Variants in PCDHGA2 observed in about 807,000 individuals in gnomAD.
PCDHGA2 encodes the protein protocadherin gamma-A2.
Under a neutral mutation model 59.2 loss-of-function variants are expected in PCDHGA2, and 40 were observed. The observed-to-expected ratio is 0.68, with a 90% confidence interval of 0.52 to 0.88. The LOEUF is 0.88. PCDHGA2 is among the 40% of genes least tolerant of loss of function. The pLI, the probability that PCDHGA2 is intolerant of heterozygous loss-of-function variation, is 0.00. For missense variants in PCDHGA2, 1,226 were observed against 1,204.0 expected (o/e 1.02, Z -0.27); for synonymous variants, 560 against 526.0 (o/e 1.06, Z -0.89).
At chr5:141,371,589 A>C (rs754175637) in intron 1 of PCDHGA2, 1 of 1,613,602 alleles carries the variant, frequency 6.2e-7, no homozygotes, top group South Asian at 1.1e-5. Context: ...TCAAGATACC[A>C]AAAACACATA....
chr5:141,376,532 G>A lies in PCDHGA2; in HGVS notation c.2424+35137G>A, dbSNP rs763806361. On this transcript the variant is annotated intron_variant, in intron 1 of 3. Transcript: ENST00000394576. ...GGTGAGTTTCTTTCCGCCTAAGCGGGAAGAGTAATCTGATCTTCCCGCAAC... is the reference window on the plus strand; with the variant it reads ...GGTGAGTTTCTTTCCGCCTAAGCGGAAAGAGTAATCTGATCTTCCCGCAAC... 3.7e-6 allele frequency: 6 copies of A among 1,613,740 alleles called. No individual in the cohort carries two copies. The Admixed American group carries it at 1.0e-4, about 27-fold the overall frequency.
chr5:141,360,069 G>T, intron 1 of PCDHGA2: 1 of 1,469,260 alleles, frequency 6.8e-7, no homozygotes, highest in East Asian at 2.5e-5. Context: ...AGTGACCTTA[G>T]CCCGGATTCT....
chr5:141,424,036 C>A, intron 1 of PCDHGA2: 1 of 1,029,606 alleles, frequency 9.7e-7, no homozygotes, highest in Non-Finnish European at 1.2e-6. Context: ...CTTTTTATTT[C>A]CATTTCAATT....
chr5:141,412,131 G>A (rs2095537626), intron 1 of PCDHGA2: 1 of 152,156 alleles, frequency 6.6e-6, no homozygotes, highest in Non-Finnish European at 1.5e-5. Flanking sequence ...CTGGACTTTG[G>A]CCTCTGATAC....
Position 141,383,965 on chromosome 5 carries a change from A to G in PCDHGA2, c.2424+42570A>G, listed in dbSNP as rs1208203107. ...GACTATGACGTCTTTAAGTAGCTCA[A>G]TCCCTGAAGACACACCTCTTGGGAC... On this transcript the variant is annotated intron_variant, in intron 1 of 3. Coordinates refer to ENST00000394576, the MANE Select transcript of PCDHGA2 (RefSeq NM_018915.4). 1 of 1,613,598 alleles carries G rather than the reference A, an allele frequency of 6.2e-7. No individual in the cohort carries two copies. The highest frequency in any genetic ancestry group is 2.2e-5 in the East Asian group (1 of 44,892).
chr5:141,476,078 C>G lies in PCDHGA2; in HGVS notation c.2425-18729C>G. On this transcript the variant is annotated intron_variant, in intron 1 of 3. Transcript: ENST00000394576. The surrounding 1 kb of genome is among the most constrained non-coding windows in gnomAD (Gnocchi z 7.6). ...AAGTTTCTCAGCGAAATCTCAGGGA[C>G]GATCTGGACCCCGCTGAGAGGAACT... is the stretch of plus-strand genomic sequence containing the variant. 1 of 1,528,034 alleles carries G rather than the reference C, an allele frequency of 6.5e-7. No homozygotes were observed. 94.7% of individuals were successfully genotyped at this position (1,528,034 alleles called of 1,614,324 possible).
At chr5:141,501,926 C>T (rs1388315216) in intron 2 of PCDHGA2, among the ~76,000 whole-genome samples, 1 of 152,126 alleles carries the variant, frequency 6.6e-6, no homozygotes, top group African/African-American at 2.4e-5. Flanking sequence ...AGCTTTGTTC[C>T]CTCAACACCA....
Position 141,419,399 on chromosome 5 carries a change from G to C in PCDHGA2, c.2425-75408G>C, listed in dbSNP as rs893535249. On this transcript the variant is annotated intron_variant, in intron 1 of 3. Coordinates refer to ENST00000394576, the MANE Select transcript of PCDHGA2 (RefSeq NM_018915.4). ...GTCCGTGAGCGCGCAGAGCGGGGTG[G>C]TGTTCGCGCAGCGCGCCTTCGACCA... 1.7e-5 allele frequency: 28 copies of C among 1,613,470 alleles called. No individual in the cohort carries two copies. Among genetic ancestry groups the C allele is most frequent in the Admixed American group, 1.7e-5 (1 of 60,014 alleles).
intron 1 of PCDHGA2, chr5:141,393,145 A>G (rs2092690678): frequency 6.2e-7 from 1 of 1,613,324 alleles, no homozygotes; most frequent in Non-Finnish European, 8.5e-7. Context: ...ACCCTGGTTG[A>G]GGATAAAGGA....
rs747994258 is a variant in PCDHGA2 at position 141,365,910 on chromosome 5, A to G, written c.2424+24515A>G. ...TCCTTCGACTATGAGCAGTTGAGAGACCTACAGTTGTGGGTGACAGCCAGC... is the reference window on the plus strand; with the variant it reads ...TCCTTCGACTATGAGCAGTTGAGAGGCCTACAGTTGTGGGTGACAGCCAGC... On this transcript the variant is annotated intron_variant, in intron 1 of 3. Transcript: ENST00000394576. The G allele has an allele frequency of 5.0e-6, 8 of 1,614,146 alleles. No homozygotes were observed. In the South Asian group the frequency reaches 8.8e-5, roughly 18 times the overall value.
rs924491576 is a variant in PCDHGA2, at chr5:141,491,579, C to T, written c.2425-3228C>T. On this transcript the variant is annotated intron_variant, in intron 1 of 3. Coordinates refer to ENST00000394576, the MANE Select transcript of PCDHGA2 (RefSeq NM_018915.4). This position sits in a 1 kb window ranked among gnomAD's most constrained non-coding sequence, Gnocchi z 6.9. ...CACTGCTACAGGACGTGCTTTTCAC[C>T]GGCCTCGGACGGCAGTGACTTCACT... is the stretch of plus-strand genomic sequence containing the variant. 18 of 1,613,810 alleles carry T rather than the reference C, an allele frequency of 1.1e-5. No homozygotes were observed. Among genetic ancestry groups the T allele is most frequent in the Non-Finnish European group, 1.4e-5 (17 of 1,180,044 alleles).
chr5:141,416,006 G>A, intron 1 of PCDHGA2: 1 of 253,216 alleles, frequency 3.9e-6, no homozygotes, highest in Non-Finnish European at 7.3e-6. Context: ...GGTCTGGTAA[G>A]AATAGGTAAG....
At position 141,476,903 on chromosome 5, in the gene PCDHGA2, G is replaced by C; in HGVS notation, c.2425-17904G>C. On this transcript the variant is annotated intron_variant, in intron 1 of 3. Transcript: ENST00000394576. The surrounding 1 kb of genome is among the most constrained non-coding windows in gnomAD (Gnocchi z 7.6). Reference sequence around the variant, plus strand: ...GGAGGATGCACCCTCCGGCACGCGCGTGGTACAAGTCCTTGCAACGGATCT... The same window carrying C: ...GGAGGATGCACCCTCCGGCACGCGCCTGGTACAAGTCCTTGCAACGGATCT... The C allele has an allele frequency of 1.2e-6, 2 of 1,614,018 alleles. No individual in the cohort carries two copies. Among genetic ancestry groups the C allele is most frequent in the Non-Finnish European group, 1.7e-6 (2 of 1,180,044 alleles).
chr5:141,376,576 T>G, intron 1 of PCDHGA2: 1 of 1,596,960 alleles, frequency 6.3e-7, no homozygotes, highest in Non-Finnish European at 8.5e-7. Context: ...TCAGACAGGC[T>G]CATCAGCTAG....
chr5:141,374,846 C>G, intron 1 of PCDHGA2: 1 of 1,613,842 alleles, frequency 6.2e-7, no homozygotes, highest in Non-Finnish European at 8.5e-7. Context: ...TCCTGAAAAC[C>G]TGCCAGTAGG....
At chr5:141,357,022 C>T (rs1318663239) in intron 1 of PCDHGA2, 1 of 1,614,150 alleles carries the variant, frequency 6.2e-7, no homozygotes, top group Non-Finnish European at 8.5e-7. Flanking sequence ...GTCCTACAGC[C>T]TACTCAAGTC....
rs374229757 is a variant in PCDHGA2, at chr5:141,491,437, C to T, written c.2425-3370C>T. 4 of 1,613,978 alleles carry T rather than the reference C, an allele frequency of 2.5e-6. No homozygotes were observed. Among genetic ancestry groups the T allele is most frequent in the Admixed American group, 3.3e-5 (2 of 60,004 alleles). ...CGGGGGTGGAGGGCAGTGCTGCAGG[C>T]GCCAGGACTCACCCTCCCCGGACTT... On this transcript the variant is annotated intron_variant, in intron 1 of 3. Coordinates refer to ENST00000394576, the MANE Select transcript of PCDHGA2 (RefSeq NM_018915.4). This position sits in a 1 kb window ranked among gnomAD's most constrained non-coding sequence, Gnocchi z 6.9.
chr5:141,419,240 G>C (rs753956971), intron 1 of PCDHGA2: 1 of 1,613,980 alleles, frequency 6.2e-7, no homozygotes, highest in South Asian at 1.1e-5. Flanking sequence ...CCTGGTCCAC[G>C]TGCCAGAAAA....
chr5:141,505,434 A>C lies in PCDHGA2; in HGVS notation c.2525A>C (p.Gln842Pro), dbSNP rs1417754900. 1 of 1,614,198 alleles carries C rather than the reference A, an allele frequency of 6.2e-7. No homozygotes were observed. The highest frequency in any genetic ancestry group is 1.7e-5 in the Admixed American group (1 of 60,032). The change falls in exon 3 of 4, where the codon CAG (glutamine) becomes CCG (proline). Residue 842 changes from glutamine (Q) to proline (P), a missense_variant. Gln to Pro is a moderately conservative substitution (Grantham distance 76). Coordinates refer to ENST00000394576, the MANE Select transcript of PCDHGA2 (RefSeq NM_018915.4). ...GACACCGGCACCTGGCCCAACAACCAGTTTGACACAGAGATGCTGCAAGCC... is the reference window on the plus strand; with the variant it reads ...GACACCGGCACCTGGCCCAACAACCCGTTTGACACAGAGATGCTGCAAGCC... ...GDDTGTWPNN[Q>P]FDTEMLQAMI...
Sources: gnomAD v4.1 joint callset for allele counts (sites outside exome capture counted in the v4.1 genomes callset) on GRCh38, gnomAD v4.1.1 for gene constraint, Gnocchi (gnomAD v3.1) non-coding constraint, MANE v1.5 for transcripts, NCBI Gene and HGNC (gene_info 2026-07-23, HGNC 2026-07-21) for gene names.